The following CTNNA3 variants were observed in gnomAD, a reference collection of about 807,000 sequenced individuals.
CTNNA3 encodes the protein catenin alpha-3.
A neutral mutation model predicts 95.7 loss-of-function variants in CTNNA3; 76 were observed. The ratio of observed to expected loss-of-function variants is 0.79; its 90% CI spans 0.66 to 0.96. The LOEUF is 0.96. Ranked by LOEUF, CTNNA3 falls within the 40% of genes least tolerant of loss-of-function variation. The probability of loss-of-function intolerance (pLI) is 0.00; values close to 1 mark genes in which losing one functional copy is unlikely to be tolerated. For missense variants in CTNNA3, 1,191 were observed against 1,089.8 expected (o/e 1.09, Z -1.31); for synonymous variants, 431 against 374.4 (o/e 1.15, Z -1.74).
intron 10 of CTNNA3, among the ~76,000 whole-genome samples, chr10:66,617,266 C>T (rs1844552082): frequency 6.6e-6 from 1 of 151,846 alleles, no homozygotes; most frequent in Non-Finnish European, 1.5e-5. Context: ...GGAGATTGAT[C>T]TCTGAGAAGA....
chr10:66,620,024 G>T (rs1298511834), intron 10 of CTNNA3, among the ~76,000 whole-genome samples: 2 of 152,004 alleles, frequency 1.3e-5, no homozygotes, highest in African/African-American at 2.4e-5. Flanking sequence ...TAAATGAAAT[G>T]ATCTCTACCT....
chr10:66,121,178 C>G (rs182840377), intron 13 of CTNNA3, among the ~76,000 whole-genome samples: 2 of 152,160 alleles, frequency 1.3e-5, no homozygotes, highest in African/African-American at 2.4e-5. Context: ...AAGTACAACA[C>G]AGAAGCTCAA....
Position 67,193,052 on chromosome 10 carries a change from T to C in CTNNA3, c.844-12532A>G, listed in dbSNP as rs200888928. Among the ~76,000 whole-genome samples, 12 of 151,312 alleles carry C rather than the reference T, an allele frequency of 7.9e-5. No individual in the cohort carries two copies. The East Asian group carries it at 2.3e-3, about 29-fold the overall frequency. ...ACCACTTATATGTAAAATCAAACTG[T>C]TTTGATTTTACATAAATCATAAAAA... On this transcript the variant is annotated intron_variant, in intron 6 of 17. Transcript: ENST00000433211.
At chr10:66,948,568 G>A (rs943446319) in intron 7 of CTNNA3, among the ~76,000 whole-genome samples, 12 of 152,220 alleles carry the variant, frequency 7.9e-5, no homozygotes, top group African/African-American at 2.9e-4. Flanking sequence ...TTATCTAAGA[G>A]TCATTGATTT....
intron 5 of CTNNA3, among the ~76,000 whole-genome samples, chr10:67,515,270 C>A (rs1449343534): frequency 6.6e-6 from 1 of 152,132 alleles, no homozygotes; most frequent in East Asian, 1.9e-4. Context: ...GATCAAATGG[C>A]TATTGCAAAA....
intron 11 of CTNNA3, among the ~76,000 whole-genome samples, chr10:66,514,349 C>T (rs983699593): frequency 4.6e-5 from 7 of 152,024 alleles, no homozygotes; most frequent in African/African-American, 1.7e-4. Flanking sequence ...AAGAAAGTTA[C>T]TTGAACTGGC....
intron 7 of CTNNA3, among the ~76,000 whole-genome samples, chr10:66,910,382 TTA>T (rs1279669371): frequency 6.6e-6 from 1 of 152,202 alleles, no homozygotes; most frequent in African/African-American, 2.4e-5. Context: ...CTGCCAAGTC[TTA>T]TACAATATGA....
At chr10:66,539,925 T>C (rs1240227381) in intron 10 of CTNNA3, among the ~76,000 whole-genome samples, 5 of 152,084 alleles carry the variant, frequency 3.3e-5, no homozygotes, top group Non-Finnish European at 7.4e-5. Flanking sequence ...ATAAAATTAC[T>C]TAGGTAAAAT....
chr10:67,467,921 C>T (rs971039706), intron 5 of CTNNA3, among the ~76,000 whole-genome samples: 5 of 151,536 alleles, frequency 3.3e-5, no homozygotes, highest in African/African-American at 4.8e-5. Flanking sequence ...ATGTTGCCCA[C>T]GCTGGTCTCA....
At chr10:66,324,782 C>T (rs2092233894) in intron 12 of CTNNA3, among the ~76,000 whole-genome samples, 1 of 151,938 alleles carries the variant, frequency 6.6e-6, no homozygotes, top group African/African-American at 2.4e-5. Context: ...CTTCAGTTTG[C>T]TTTAATTAGT....
At chr10:66,330,219 C>T (rs976832803) in intron 12 of CTNNA3, among the ~76,000 whole-genome samples, 3 of 151,852 alleles carry the variant, frequency 2.0e-5, no homozygotes, top group East Asian at 1.9e-4. Context: ...CCCTCCCCCC[C>T]TCTCCCCACC....
intron 13 of CTNNA3, among the ~76,000 whole-genome samples, chr10:66,192,305 G>A (rs2086721354): frequency 6.6e-6 from 1 of 152,090 alleles, no homozygotes; most frequent in African/African-American, 2.4e-5. Context: ...TATAGGTTGA[G>A]TGCACATAGA....
At chr10:67,261,460 A>T (rs1866601985) in intron 5 of CTNNA3, among the ~76,000 whole-genome samples, 1 of 152,272 alleles carries the variant, frequency 6.6e-6, no homozygotes, top group Non-Finnish European at 1.5e-5. Flanking sequence ...GGTTGCCAAG[A>T]GTGAGGCATT....
intron 10 of CTNNA3, among the ~76,000 whole-genome samples, chr10:66,542,158 TGA>T (rs1387211089): frequency 1.3e-5 from 2 of 152,124 alleles, no homozygotes; most frequent in African/African-American, 2.4e-5. Context: ...TCACTGGCCA[TGA>T]GAGAAATGCA....
intron 1 of CTNNA3, among the ~76,000 whole-genome samples, chr10:67,686,674 A>G (rs1001224086): frequency 3.9e-5 from 6 of 152,284 alleles, no homozygotes; most frequent in Admixed American, 3.9e-4. Context: ...CACCGCCACA[A>G]CTACCTGTAA....
intron 13 of CTNNA3, among the ~76,000 whole-genome samples, chr10:66,253,111 T>C (rs569467631): frequency 1.3e-5 from 2 of 152,284 alleles, no homozygotes; most frequent in South Asian, 2.1e-4. Context: ...TCAGACAAGA[T>C]TATTATCTGG....
intron 7 of CTNNA3, among the ~76,000 whole-genome samples, chr10:66,991,696 C>T (rs1851047071): frequency 6.6e-6 from 1 of 152,124 alleles, no homozygotes; most frequent in South Asian, 2.1e-4. Context: ...GGATTAGAGG[C>T]ATGCACCAGA....
intron 11 of CTNNA3, among the ~76,000 whole-genome samples, chr10:66,444,135 G>A (rs569880231): frequency 2.0e-5 from 3 of 152,082 alleles, no homozygotes; most frequent in Non-Finnish European, 4.4e-5. Flanking sequence ...AAAAGAATAA[G>A]AAGAAACGAA....
intron 12 of CTNNA3, among the ~76,000 whole-genome samples, chr10:66,371,464 T>G (rs2092753736): frequency 1.3e-5 from 2 of 152,172 alleles, no homozygotes; most frequent in Non-Finnish European, 2.9e-5. Context: ...AAGCAGGCTT[T>G]TATGCTTGTT....
Sources: gnomAD v4.1 joint callset for allele counts (sites outside exome capture counted in the v4.1 genomes callset) on GRCh38, gnomAD v4.1.1 for gene constraint, MANE v1.5 for transcripts, NCBI Gene and HGNC (gene_info 2026-07-23, HGNC 2026-07-21) for gene names.